The following TMEM272 variants were observed in gnomAD, a reference collection of about 807,000 sequenced individuals.
The protein encoded by TMEM272 is transmembrane protein 272.
In TMEM272, 8 loss-of-function variants were observed where a neutral mutation model predicts 3.7. The observed-to-expected ratio is 2.17, with a 90% CI of 1.27 to 3.91. The LOEUF is 3.91. Ranked by LOEUF, TMEM272 falls within the 30% of genes most tolerant of loss-of-function variation. TMEM272 has a pLI of 0.00. For missense variants in TMEM272, 166 were observed against 91.5 expected (o/e 1.81, Z -3.32); for synonymous variants, 63 against 39.8 (o/e 1.58, Z -2.20).
chr13:51,849,351 C>T (rs1261326641), upstream of TMEM272, among the ~76,000 whole-genome samples: 7 of 152,184 alleles, frequency 4.6e-5, no homozygotes, highest in South Asian at 2.1e-4. Flanking sequence ...AAGGGGAGCA[C>T]GGGGAGCTGC....
the TMEM272 span, among the ~76,000 whole-genome samples, chr13:51,900,022 T>C: frequency 6.6e-6 from 1 of 152,154 alleles, no homozygotes; most frequent in Admixed American, 6.6e-5. Context: ...TAGTCTTACA[T>C]GCAAGAGTTA....
At chr13:51,837,693 A>C (rs538164139) in intron 2 of TMEM272, among the ~76,000 whole-genome samples, 2 of 152,236 alleles carry the variant, frequency 1.3e-5, no homozygotes, top group Admixed American at 6.5e-5. Flanking sequence ...GCAGTGCAGG[A>C]AACGTCATGG....
upstream of TMEM272, among the ~76,000 whole-genome samples, chr13:51,848,194 G>T (rs982823981): frequency 6.6e-6 from 1 of 152,182 alleles, no homozygotes; most frequent in Non-Finnish European, 1.5e-5. Context: ...GGAAGCAGTT[G>T]CTAACCCTAG....
the TMEM272 span, among the ~76,000 whole-genome samples, chr13:51,868,069 C>T: frequency 6.6e-6 from 1 of 152,200 alleles, no homozygotes; most frequent in Non-Finnish European, 1.5e-5. Context: ...TGAACTCAAC[C>T]TTTCTTCTTG....
At chr13:51,914,706 C>A in the TMEM272 span, among the ~76,000 whole-genome samples, 2 of 152,206 alleles carry the variant, frequency 1.3e-5, no homozygotes, top group African/African-American at 2.4e-5. Context: ...GATCCTGGCT[C>A]CTCGGAGTGT....
At chr13:51,833,183 G>T (rs376672015) in intron 2 of TMEM272, among the ~76,000 whole-genome samples, 2 of 152,260 alleles carry the variant, frequency 1.3e-5, no homozygotes, top group South Asian at 2.1e-4. Context: ...GTGGTTTGGG[G>T]GAGTGGCAAA....
chr13:51,902,346 C>T, the TMEM272 span, among the ~76,000 whole-genome samples: 2 of 152,184 alleles, frequency 1.3e-5, no homozygotes, highest in Admixed American at 6.5e-5. Context: ...CCTGGAAAAG[C>T]TTTGGGAATT....
At chr13:51,826,880 C>T (rs980535588) in intron 2 of TMEM272, among the ~76,000 whole-genome samples, 5 of 151,878 alleles carry the variant, frequency 3.3e-5, no homozygotes, top group Non-Finnish European at 4.4e-5. Context: ...CCTGCAGGAC[C>T]TCTCCAAGTC....
chr13:51,910,786 C>T, the TMEM272 span, among the ~76,000 whole-genome samples: 77 of 152,370 alleles, frequency 5.1e-4, 1 homozygote, highest in East Asian at 0.014. Flanking sequence ...GACACGAGCA[C>T]CCACAGGCCT....
chr13:51,933,731 G>A, the TMEM272 span: 1 of 152,240 alleles, frequency 6.6e-6, no homozygotes, highest in African/African-American at 2.4e-5. Context: ...CTAGTCACAT[G>A]AATTCTCTAC....
chr13:51,826,737 C>T, intron 2 of TMEM272, 112 bp from the exon 3 acceptor site: 1 of 674,754 alleles, frequency 1.5e-6, no homozygotes, highest in East Asian at 2.7e-5. Flanking sequence ...TCTCCAGTGG[C>T]AAGTCAGCAG....
chr13:51,880,150 G>T, the TMEM272 span, among the ~76,000 whole-genome samples: 2 of 152,126 alleles, frequency 1.3e-5, no homozygotes. Context: ...ATTAGTAATA[G>T]AACATGCATG....
the TMEM272 span, among the ~76,000 whole-genome samples, chr13:51,891,865 G>A: frequency 6.6e-6 from 1 of 152,154 alleles, no homozygotes; most frequent in Non-Finnish European, 1.5e-5. Context: ...AGTGGGGGTT[G>A]GAGGGGGGCA....
chr13:51,850,862 G>T, the TMEM272 span, among the ~76,000 whole-genome samples: 43 of 152,238 alleles, frequency 2.8e-4, no homozygotes, highest in African/African-American at 9.6e-4. Flanking sequence ...TAACAGTACA[G>T]CACTTCTACA....
chr13:51,839,681 G>A (rs970513520), intron 1 of TMEM272, among the ~76,000 whole-genome samples: 3 of 152,220 alleles, frequency 2.0e-5, no homozygotes, highest in African/African-American at 7.2e-5. Flanking sequence ...GGGAAGATTT[G>A]TGGTCTGAGG....
At chr13:51,920,340 G>A in the TMEM272 span, among the ~76,000 whole-genome samples, 6 of 152,168 alleles carry the variant, frequency 3.9e-5, no homozygotes, top group East Asian at 1.9e-4. Context: ...TTCAGCCAAC[G>A]TGTATTTCCA....
the TMEM272 span, chr13:51,908,453 G>C: frequency 4.6e-6 from 7 of 1,528,836 alleles, no homozygotes; most frequent in Admixed American, 6.7e-5. Context: ...CTCCAAACAT[G>C]GTTCCTGGAG....
At chr13:51,865,797 A>G in the TMEM272 span, 2 of 1,614,242 alleles carry the variant, frequency 1.2e-6, no homozygotes, top group Non-Finnish European at 1.7e-6. Context: ...AAAGAGGACA[A>G]TGCCTTATGG....
rs1297795560 is a variant in TMEM272, at chr13:51,845,080, AGG to A, written c.-90_-89del. ...CAGCACCTCTGTGGTCCCGAAGTCCAGGGCTGCCTCTGTGGGGCTCCTCTTGA... is the reference window on the plus strand; with the variant it reads ...CAGCACCTCTGTGGTCCCGAAGTCCAGCTGCCTCTGTGGGGCTCCTCTTGA... On this transcript the variant is annotated 5_prime_UTR_variant, in exon 1 of 5. Coordinates refer to ENST00000629372, the MANE Select transcript of TMEM272 (RefSeq NM_001351003.2). 1.3e-5 allele frequency: 2 copies of A among 152,326 alleles called. No homozygotes were observed. The highest frequency in any genetic ancestry group is 1.3e-4 in the Admixed American group (2 of 15,294). The allele number at this position is 152,326 out of a possible 1,614,324, so 9.4% of individuals were successfully genotyped here. A position where few individuals can be genotyped will look rare whatever the true frequency, so the allele number is the denominator to read the frequency against.
Sources: allele counts gnomAD v4.1 joint callset (sites outside exome capture counted in the v4.1 genomes callset), GRCh38; gene constraint gnomAD v4.1.1; transcripts MANE v1.5; gene names NCBI Gene and HGNC (gene_info 2026-07-23, HGNC 2026-07-21).